DNAH1: variants seen among roughly 807,000 people sequenced by gnomAD.
DNAH1 encodes dynein axonemal heavy chain 1.
Under a neutral mutation model 484.3 loss-of-function variants are expected in DNAH1, and 327 were observed. The observed-to-expected ratio is 0.68, with a 90% CI of 0.62 to 0.74. The LOEUF is 0.74. DNAH1 is among the 30% of genes least tolerant of loss of function. The pLI is 0.00. For synonymous variants in DNAH1, 2,192 were observed against 2,191.9 expected (o/e 1.00, Z 0.00); for missense variants, 5,052 against 5,546.8 (o/e 0.91, Z 2.83).
intron 20 of DNAH1, among the ~76,000 whole-genome samples, chr3:52,354,585 A>G: frequency 6.6e-6 from 1 of 151,276 alleles, no homozygotes. Context: ...GTGAACCAAG[A>G]TTGTGCCACT....
rs553174635 is a variant in DNAH1 at position 52,383,981 on chromosome 3, C to T, written c.8272C>T (p.Leu2758Phe). Residue 2758 changes from leucine (L) to phenylalanine (F), a missense_variant, in exon 52 of 78, where the codon CTC (leucine) becomes TTC (phenylalanine). This residue lies in a region of DNAH1 where 2,929 missense variants were observed against 3,409.4 expected (regional missense o/e 0.86). Transcript: ENST00000420323. Reference protein sequence around the residue: ...EALKSVATVFLNEIPELESSQ... With the variant: ...EALKSVATVFFNEIPELESSQ... ...CCTGAAGTCTGTGGCCACCGTGTTC[C>T]TCAATGAGATCCCAGAACTGGAATC... 1.4e-5 allele frequency: 23 copies of T among 1,611,090 alleles called. No homozygotes were observed. In the South Asian group the frequency reaches 2.1e-4, roughly 15 times the overall value.
chr3:52,326,293 C>A lies in DNAH1; in HGVS notation c.560C>A (p.Pro187His). The A allele has an allele frequency of 6.2e-7, 1 of 1,609,332 alleles. No homozygotes were observed. Among genetic ancestry groups the A allele is most frequent in the South Asian group, 1.1e-5 (1 of 91,024 alleles). The change falls in exon 4 of 78, where the codon CCT (proline) becomes CAT (histidine). Residue 187 changes from proline (P) to histidine (H), a missense_variant. Physicochemically the swap from Pro to His is moderately conservative, Grantham distance 77. Transcript: ENST00000420323. ...VPFQVLPGQH[P>H]RKIEIERRKQ... ...TTCCAGGTGCTGCCAGGCCAGCATC[C>A]TCGCAAGATTGAGATCGAGAGGTAC...
intron 1 of DNAH1, among the ~76,000 whole-genome samples, chr3:52,320,290 G>A (rs1442790002): frequency 6.6e-6 from 1 of 152,224 alleles, no homozygotes; most frequent in Non-Finnish European, 1.5e-5. Context: ...GGCCAGACTC[G>A]GCATTGTCTT....
At chr3:52,348,178 G>A (rs1702224829) in intron 12 of DNAH1, among the ~76,000 whole-genome samples, 1 of 152,200 alleles carries the variant, frequency 6.6e-6, no homozygotes, top group Non-Finnish European at 1.5e-5. Context: ...CATTCTGTAG[G>A]TGGGGCTTGG....
intron 6 of DNAH1, among the ~76,000 whole-genome samples, chr3:52,330,138 G>T (rs1701490299): frequency 1.3e-5 from 2 of 152,162 alleles, no homozygotes; most frequent in African/African-American, 4.8e-5. Context: ...ACTATGTATT[G>T]CGGCTGCTCT....
At chr3:52,373,689 C>A (rs1703456943) in intron 44 of DNAH1, 1 of 1,376,838 alleles carries the variant, frequency 7.3e-7, no homozygotes, top group South Asian at 1.2e-5. Context: ...GTTTTTTATC[C>A]AGAAGTTATG....
rs1184642705 is a variant in DNAH1 at position 52,378,540 on chromosome 3, C to G, written c.7199-62C>G. The G allele has an allele frequency of 4.5e-6, 7 of 1,559,688 alleles. No homozygotes were observed. The East Asian group carries it at 1.3e-4, about 30-fold the overall frequency. ...CACAGCAAAGGCAAGGAGGTCAGGA[C>G]CTGCAGAGGCGGCAGAGGGAGCTCC... On this transcript the variant is annotated intron_variant, in intron 46 of 77. Coordinates refer to ENST00000420323, the MANE Select transcript of DNAH1 (RefSeq NM_015512.5).
At chr3:52,372,795 A>C in intron 43 of DNAH1, 101 bp from the exon 44 acceptor site, 1 of 1,477,352 alleles carries the variant, frequency 6.8e-7, no homozygotes, top group Non-Finnish European at 9.1e-7. Context: ...GCTAAAATTT[A>C]GCAAGGGCTT....
intron 54 of DNAH1, 65 bp from the exon 55 acceptor site, chr3:52,386,095 C>T: frequency 6.6e-7 from 1 of 1,517,060 alleles, no homozygotes. Context: ...CTCCTTCCAT[C>T]TGGGGAGACT....
intron 1 of DNAH1, among the ~76,000 whole-genome samples, chr3:52,318,284 G>A (rs750871572): frequency 1.3e-5 from 2 of 152,210 alleles, no homozygotes; most frequent in Non-Finnish European, 2.9e-5. Context: ...TCCTGACCTC[G>A]GGTGATCCGC....
chr3:52,372,148 C>A (rs1578162212), intron 42 of DNAH1, 62 bp downstream of exon 42: 4 of 1,609,636 alleles, frequency 2.5e-6, no homozygotes, highest in Non-Finnish European at 3.4e-6. Flanking sequence ...GGTTGACCAG[C>A]CTCCCACATG....
At position 52,364,879 on chromosome 3, in the gene DNAH1, T is replaced by G; in HGVS notation, c.5378T>G (p.Phe1793Cys). The change falls in exon 34 of 78, where the codon TTC (phenylalanine) becomes TGC (cysteine). Residue 1793 changes from phenylalanine to cysteine, a missense_variant. Physicochemically the swap from Phe to Cys is radical, Grantham distance 205. Around this residue, in one of 4 missense-constraint regions of DNAH1, gnomAD observed 2,929 missense variants for 3,409.4 expected, o/e 0.86. Coordinates refer to ENST00000420323, the MANE Select transcript of DNAH1 (RefSeq NM_015512.5). The surrounding 1 kb of genome is among the most constrained non-coding windows in gnomAD (Gnocchi z 4.2). ...ATCCGTGATGTGAACGTGCCCAAGT[T>G]CCTGCAGGAGGACCTCAAGCTCTTC... The part of the protein sequence containing the change: ...RAIRDVNVPK[F>C]LQEDLKLFSG... The G allele has an allele frequency of 6.2e-7, 1 of 1,613,962 alleles. No individual in the cohort carries two copies. The highest frequency in any genetic ancestry group is 1.1e-5 in the South Asian group (1 of 91,084).
intron 3 of DNAH1, among the ~76,000 whole-genome samples, chr3:52,325,135 C>G (rs1227837155): frequency 6.6e-6 from 1 of 152,158 alleles, no homozygotes; most frequent in African/African-American, 2.4e-5. Flanking sequence ...AGGGAGGTCC[C>G]TTGACTACTC....
intron 44 of DNAH1, chr3:52,374,462 A>G: frequency 7.3e-7 from 1 of 1,360,800 alleles, no homozygotes; most frequent in Non-Finnish European, 1.1e-6. Flanking sequence ...GTCCAAAAGA[A>G]GTAATGTTCT....
Position 52,355,323 on chromosome 3 carries a change from A to T in DNAH1, c.3693+268A>T, listed in dbSNP as rs1003932713. ...TTTGGGTCCCAAAATGTGGTTGAGG[A>T]TAGGCCTGAGAACTGCCAGGCGGCC... On this transcript the variant is annotated intron_variant, in intron 21 of 77. Transcript: ENST00000420323. This position sits in a 1 kb window ranked among gnomAD's most constrained non-coding sequence, Gnocchi z 4.5. Among the ~76,000 whole-genome samples, 6 of 152,218 alleles carry T rather than the reference A, an allele frequency of 3.9e-5. No homozygotes were observed. Among genetic ancestry groups the T allele is most frequent in the African/African-American group, 1.4e-4 (6 of 41,468 alleles).
In DNAH1 at chr3:52,375,339, A is replaced by G. The variant is rs1456767917; in HGVS notation, c.7085A>G (p.Asn2362Ser). The G allele has an allele frequency of 1.9e-6, 3 of 1,613,628 alleles. No individual in the cohort carries two copies. The highest frequency in any genetic ancestry group is 1.3e-5 in the African/African-American group (1 of 75,020). The change falls in exon 45 of 78, where the codon AAC (asparagine) becomes AGC (serine). Residue 2362 changes from asparagine (N) to serine (S), a missense_variant. Transcript: ENST00000420323. Reference protein sequence around the residue: ...TVTPRLMRHFNYLSFAEMDEV... With the variant: ...TVTPRLMRHFSYLSFAEMDEV... ...ACCCCGCGGCTGATGCGTCACTTCA[A>G]CTACCTGTCTTTCGCTGAGATGGAC...
intron 12 of DNAH1, 106 bp downstream of exon 12, chr3:52,348,080 G>A (rs1702220763): frequency 8.2e-7 from 1 of 1,216,340 alleles, no homozygotes; most frequent in African/African-American, 1.5e-5. Context: ...CAGGCCTCCT[G>A]TCGGGCAGGC....
Position 52,376,033 on chromosome 3 carries a change from G to A in DNAH1, c.7198+40G>A, listed in dbSNP as rs771510540. On this transcript the variant is annotated intron_variant, in intron 46 of 77. Coordinates refer to ENST00000420323, the MANE Select transcript of DNAH1 (RefSeq NM_015512.5). ...GGGCGGGAATGGGGCACTGGTTCCA[G>A]GAGGAGCCCTGGGCTCTGGTTGGGT... 21 of 1,605,450 alleles carry A rather than the reference G, an allele frequency of 1.3e-5. No individual in the cohort carries two copies. In the Admixed American group the frequency reaches 3.5e-4, roughly 27 times the overall value.
In DNAH1 at chr3:52,394,234, T is replaced by A. The variant is rs1441485742; in HGVS notation, c.10627-231T>A. On this transcript the variant is annotated intron_variant, in intron 66 of 77. Coordinates refer to ENST00000420323, the MANE Select transcript of DNAH1 (RefSeq NM_015512.5). ...CAGTCAGCCTTCTGATTCTTTCTAC[T>A]CCCAAATGAGGAGGCAGAGGCCCAG... 2.6e-5 allele frequency among the ~76,000 whole-genome samples: 4 copies of A among 152,218 alleles called. No individual in the cohort carries two copies. In the East Asian group the frequency reaches 7.7e-4, roughly 29 times the overall value.
Sources: allele counts gnomAD v4.1 joint callset (sites outside exome capture counted in the v4.1 genomes callset), GRCh38; gene constraint gnomAD v4.1.1; regional missense constraint gnomAD v4.1.1; non-coding constraint Gnocchi (gnomAD v3.1); transcripts MANE v1.5; gene names NCBI Gene and HGNC (gene_info 2026-07-23, HGNC 2026-07-21).